The following THSD7B variants were observed in gnomAD, a reference collection of about 807,000 sequenced individuals.
THSD7B encodes thrombospondin type 1 domain containing 7B, also known as thrombospondin type-1 domain-containing protein 7B.
In THSD7B, 138 loss-of-function variants were observed where a neutral mutation model predicts 213.6. The ratio of observed to expected loss-of-function variants is 0.65; its 90% CI spans 0.56 to 0.74. The LOEUF (loss-of-function observed/expected upper bound fraction) is 0.74. THSD7B is among the 30% of genes least tolerant of loss of function. The pLI, the probability that THSD7B is intolerant of heterozygous loss-of-function variation, is 0.00. For synonymous variants in THSD7B, 742 were observed against 687.0 expected, an observed-to-expected ratio of 1.08 and a Z score of -1.25; for missense variants, 1,931 against 1,991.5, an observed-to-expected ratio of 0.97 and a Z score of 0.58.
chr2:137,409,287 G>A (rs951311716), intron 13 of THSD7B, among the ~76,000 whole-genome samples: 3 of 152,140 alleles, frequency 2.0e-5, no homozygotes, highest in African/African-American at 7.2e-5. Context: ...TTTGCAGGTG[G>A]GGCTAAATAT....
At chr2:137,599,128 A>G (rs1421444362) in intron 17 of THSD7B, among the ~76,000 whole-genome samples, 1 of 147,250 alleles carries the variant, frequency 6.8e-6, no homozygotes, top group Non-Finnish European at 1.5e-5. Context: ...GTGAGAATAT[A>G]CGGTGTTTGG....
rs1361784175 is a variant in THSD7B, at chr2:136,882,125, T to G, written c.-35-19T>G. 8 of 1,424,908 alleles carry G rather than the reference T, an allele frequency of 5.6e-6. No homozygotes were observed. Among genetic ancestry groups the G allele is most frequent in the Non-Finnish European group, 7.4e-6 (8 of 1,086,974 alleles). The allele number at this position is 1,424,908 out of a possible 1,614,324, so 88.3% of individuals were successfully genotyped here. ...TCTTTACAGAAGAAACTTACCTGAT[T>G]TTTCTTTTTCTCTTTTAGGAATAGG... On this transcript the variant is annotated intron_variant, in intron 1 of 27. Coordinates refer to ENST00000409968, the MANE Select transcript of THSD7B (RefSeq NM_001316349.2).
At chr2:137,036,057 AT>A (rs1420658314) in intron 2 of THSD7B, among the ~76,000 whole-genome samples, 1 of 152,176 alleles carries the variant, frequency 6.6e-6, no homozygotes, top group East Asian at 1.9e-4. Context: ...CTTAAAACAA[AT>A]GACTAGGTGC....
chr2:137,223,183 T>A (rs1681410443), intron 7 of THSD7B, among the ~76,000 whole-genome samples: 1 of 152,138 alleles, frequency 6.6e-6, no homozygotes, highest in Non-Finnish European at 1.5e-5. Context: ...AAACTAGAAC[T>A]GGCTTGAAGT....
chr2:137,451,872 A>G (rs1573633759), intron 15 of THSD7B, among the ~76,000 whole-genome samples: 1 of 152,000 alleles, frequency 6.6e-6, no homozygotes, highest in East Asian at 1.9e-4. Flanking sequence ...GAGTTGGTAG[A>G]TCCTCTGTAA....
At chr2:137,275,696 CA>C (rs1682853630) in intron 11 of THSD7B, among the ~76,000 whole-genome samples, 1 of 152,018 alleles carries the variant, frequency 6.6e-6, no homozygotes, top group African/African-American at 2.4e-5. Context: ...TCATTAGCCA[CA>C]GGGCCAATTC....
chr2:137,058,449 TC>T (rs2104878698), intron 3 of THSD7B, among the ~76,000 whole-genome samples: 1 of 152,212 alleles, frequency 6.6e-6, no homozygotes, highest in East Asian at 1.9e-4. Context: ...GCAGTGTTTT[TC>T]TTTTTTTAAT....
chr2:137,131,560 G>A (rs1384864561), intron 5 of THSD7B, among the ~76,000 whole-genome samples: 4 of 152,266 alleles, frequency 2.6e-5, no homozygotes, highest in South Asian at 2.1e-4. Context: ...TTTTGTATAA[G>A]GTGTAAGGAA....
At chr2:137,667,706 T>A (rs1683476064) in intron 26 of THSD7B, 68 bp from the exon 27 acceptor site, 1 of 1,299,144 alleles carries the variant, frequency 7.7e-7, no homozygotes, top group Admixed American at 2.1e-5. Context: ...GATCTGATGT[T>A]GCCCTATCTC....
At chr2:137,020,837 A>G (rs2104843156) in intron 2 of THSD7B, among the ~76,000 whole-genome samples, 1 of 152,164 alleles carries the variant, frequency 6.6e-6, no homozygotes, top group East Asian at 1.9e-4. Context: ...ACTAAATTCC[A>G]TTTTTCACCT....
rs1215652813 is a variant in THSD7B, at chr2:136,882,162, G to C, written c.-17G>C. 1 of 1,495,716 alleles carries C rather than the reference G, an allele frequency of 6.7e-7. No individual in the cohort carries two copies. The highest frequency in any genetic ancestry group is 1.3e-5 in the South Asian group (1 of 75,118). 92.7% of individuals were successfully genotyped at this position (1,495,716 alleles called of 1,614,324 possible). ...CTTTTAGGAATAGGCAAGTCAAGAG[G>C]CTGAAAAATCTGAAGCATGTTTCCA... On this transcript the variant is annotated 5_prime_UTR_variant, in exon 2 of 28. Transcript: ENST00000409968.
chr2:137,471,434 T>C (rs1370487930), intron 15 of THSD7B, among the ~76,000 whole-genome samples: 1 of 152,128 alleles, frequency 6.6e-6, no homozygotes, highest in East Asian at 1.9e-4. Context: ...TTCAAATTTG[T>C]GATCCTCAAA....
chr2:136,873,861 G>A (rs375852886), intron 1 of THSD7B, among the ~76,000 whole-genome samples: 3 of 152,114 alleles, frequency 2.0e-5, no homozygotes, highest in Non-Finnish European at 2.9e-5. Context: ...CTCCAAGGTC[G>A]TGCACTGCCA....
chr2:137,039,642 G>A (rs1218392636), intron 2 of THSD7B, among the ~76,000 whole-genome samples: 1 of 152,166 alleles, frequency 6.6e-6, no homozygotes, highest in Admixed American at 6.5e-5. Context: ...GTCCATACTT[G>A]TCTCTGTCTT....
rs375685105 is a variant in THSD7B at position 136,809,351 on chromosome 2, T to C, written c.-36+43664T>C. On this transcript the variant is annotated intron_variant, in intron 1 of 27. Coordinates refer to ENST00000409968, the MANE Select transcript of THSD7B (RefSeq NM_001316349.2). ...TCAGAGCAGATGCCTGAAAGCACAA[T>C]GCTTGCCACATTTGAGGAGGAGTGA... is the stretch of plus-strand genomic sequence containing the variant. Among the ~76,000 whole-genome samples the C allele has an allele frequency of 1.2e-4, 18 of 152,236 alleles. No individual in the cohort carries two copies. In the East Asian group the frequency reaches 2.3e-3, roughly 20 times the overall value.
rs1327649754 is a variant in THSD7B, at chr2:137,271,594, A to T, written c.2267-939A>T. Among the ~76,000 whole-genome samples, 8 of 151,326 alleles carry T rather than the reference A, an allele frequency of 5.3e-5. No homozygotes were observed. The Admixed American group carries it at 5.3e-4, about 10-fold the overall frequency. On this transcript the variant is annotated intron_variant, in intron 10 of 27. Coordinates refer to ENST00000409968, the MANE Select transcript of THSD7B (RefSeq NM_001316349.2). Reference sequence around the variant, plus strand: ...TTCATGATCCCTCTTCGGTTGCCACAGTCAAAAATGATTTCTGTTTCTTCT... The same window carrying T: ...TTCATGATCCCTCTTCGGTTGCCACTGTCAAAAATGATTTCTGTTTCTTCT...
Position 137,646,650 on chromosome 2 carries a change from T to TTAATAATAATAATAATAA in THSD7B, c.3945+4033_3945+4050dup, listed in dbSNP as rs147054450. ...TTAGGTAACAAAGTGACACTCCATC[T>TTAATAATAATAATAATAA]TAATAATAATAATAATAATAATAAT... On this transcript the variant is annotated intron_variant, in intron 21 of 27. Transcript: ENST00000409968. Among the ~76,000 whole-genome samples the TTAATAATAATAATAATAA allele has an allele frequency of 5.2e-3, 677 of 130,180 alleles. 10 individuals are homozygous for TTAATAATAATAATAATAA. Among genetic ancestry groups the TTAATAATAATAATAATAA allele is most frequent in the African/African-American group, 9.8e-3 (356 of 36,372 alleles). 85.4% of individuals were successfully genotyped at this position (130,180 alleles called of 152,430 possible).
chr2:136,877,291 G>T (rs1325475775), intron 1 of THSD7B, among the ~76,000 whole-genome samples: 1 of 152,146 alleles, frequency 6.6e-6, no homozygotes, highest in Non-Finnish European at 1.5e-5. Flanking sequence ...CTAATTTTTA[G>T]CAAAAGCGCA....
intron 2 of THSD7B, among the ~76,000 whole-genome samples, chr2:136,972,675 C>T (rs1685422679): frequency 6.6e-6 from 1 of 152,074 alleles, no homozygotes; most frequent in African/African-American, 2.4e-5. Flanking sequence ...TTTAGACACA[C>T]TTATAAACAT....
Sources: gnomAD v4.1 joint callset for allele counts (sites outside exome capture counted in the v4.1 genomes callset) on GRCh38, gnomAD v4.1.1 for gene constraint, MANE v1.5 for transcripts, NCBI Gene and HGNC (gene_info 2026-07-23, HGNC 2026-07-21) for gene names.